Variants in SOHLH2 observed in about 807,000 individuals in gnomAD.
SOHLH2 encodes spermatogenesis- and oogenesis-specific basic helix-loop-helix-containing protein 2.
In SOHLH2, 22 loss-of-function variants were observed where a neutral mutation model predicts 50.4. The ratio of observed to expected loss-of-function variants is 0.44; its 90% CI spans 0.31 to 0.62. The LOEUF is 0.62. Ranked by LOEUF, SOHLH2 falls within the 20% of genes least tolerant of loss-of-function variation. The pLI, the probability that SOHLH2 is intolerant of heterozygous loss-of-function variation, is 0.08. For synonymous variants in SOHLH2, 185 were observed against 187.3 expected, an observed-to-expected ratio of 0.99 and a Z score of 0.10; for missense variants, 412 against 504.4, an observed-to-expected ratio of 0.82 and a Z score of 1.76.
intron 5 of SOHLH2, among the ~76,000 whole-genome samples, 159 bp from the exon 6 acceptor site, chr13:36,190,215 G>A (rs1417692271): frequency 2.0e-5 from 3 of 152,098 alleles, no homozygotes; most frequent in African/African-American, 4.8e-5. Flanking sequence ...TAGACATTTG[G>A]TGCAGAATGT....
At chr13:36,173,448 G>A (rs1264047731) in intron 9 of SOHLH2, among the ~76,000 whole-genome samples, 1 of 152,208 alleles carries the variant, frequency 6.6e-6, no homozygotes, top group Non-Finnish European at 1.5e-5. Context: ...AAAGTCACCA[G>A]TGTGCTTATC....
intron 1 of SOHLH2, among the ~76,000 whole-genome samples, chr13:36,208,442 C>T (rs1002480555): frequency 1.3e-5 from 2 of 152,130 alleles, no homozygotes; most frequent in East Asian, 3.9e-4. Flanking sequence ...CTTTGGCCGC[C>T]AAAATTTCAG....
chr13:36,210,446 T>C (rs1225650847), intron 1 of SOHLH2, among the ~76,000 whole-genome samples: 1 of 152,218 alleles, frequency 6.6e-6, no homozygotes, highest in Non-Finnish European at 1.5e-5. Flanking sequence ...GTGTATTTTT[T>C]TTTTTAACGT....
At chr13:36,175,217 T>C (rs1311202137) in intron 6 of SOHLH2, among the ~76,000 whole-genome samples, 2 of 152,216 alleles carry the variant, frequency 1.3e-5, no homozygotes, top group Admixed American at 1.3e-4. Flanking sequence ...CCTACGGAAA[T>C]GTGCAGACCA....
chr13:36,213,689 G>A (rs1869257589), intron 1 of SOHLH2, among the ~76,000 whole-genome samples: 1 of 152,068 alleles, frequency 6.6e-6, no homozygotes, highest in Non-Finnish European at 1.5e-5. Flanking sequence ...AGAGGCCAGC[G>A]GGCTTTTTGA....
At chr13:36,184,609 G>A (rs1048021334) in intron 6 of SOHLH2, among the ~76,000 whole-genome samples, 2 of 151,798 alleles carry the variant, frequency 1.3e-5, no homozygotes, top group East Asian at 1.9e-4. Context: ...ACAGGCGCCT[G>A]CCACCACACC....
intron 6 of SOHLH2, among the ~76,000 whole-genome samples, chr13:36,189,407 C>T (rs1272350282): frequency 6.6e-6 from 1 of 152,138 alleles, no homozygotes; most frequent in African/African-American, 2.4e-5. Context: ...GATGGCCAAC[C>T]ATATGGACAT....
intron 9 of SOHLH2, among the ~76,000 whole-genome samples, 190 bp from the exon 10 acceptor site, chr13:36,170,977 C>G (rs1312712692): frequency 2.0e-5 from 3 of 152,138 alleles, no homozygotes; most frequent in Admixed American, 2.0e-4. Context: ...AATACACACA[C>G]TATAAATTAG....
intron 1 of SOHLH2, among the ~76,000 whole-genome samples, chr13:36,208,263 C>T (rs1868901400): frequency 6.6e-6 from 1 of 152,122 alleles, no homozygotes; most frequent in Non-Finnish European, 1.5e-5. Context: ...TTTTCTATTT[C>T]CTTCCATCTA....
chr13:36,179,439 C>A (rs1019854272), intron 6 of SOHLH2, among the ~76,000 whole-genome samples: 1 of 152,130 alleles, frequency 6.6e-6, no homozygotes, highest in African/African-American at 2.4e-5. Flanking sequence ...GGCAGAGTCT[C>A]ACTCTATCAT....
At chr13:36,169,714 C>G (rs1323515695) in intron 10 of SOHLH2, among the ~76,000 whole-genome samples, 1 of 152,204 alleles carries the variant, frequency 6.6e-6, no homozygotes, top group African/African-American at 2.4e-5. Context: ...CCAAACAATG[C>G]AGGTATGACT....
In SOHLH2 at chr13:36,193,795, C is replaced by T; in HGVS notation, c.325+11G>A. 6.2e-7 allele frequency: 1 copy of T among 1,602,428 alleles called. No individual in the cohort carries two copies. Among genetic ancestry groups the T allele is most frequent in the South Asian group, 1.1e-5 (1 of 87,372 alleles). ...GAGAAAAAACAAATACTATATTTAG[C>T]AGGTACATACCTTTAAAATTTTCAG... On this transcript the variant is annotated intron_variant, in intron 3 of 10. Transcript: ENST00000379881.
chr13:36,180,453 T>C (rs957209438), intron 6 of SOHLH2, among the ~76,000 whole-genome samples: 1 of 152,212 alleles, frequency 6.6e-6, no homozygotes, highest in African/African-American at 2.4e-5. Context: ...AAAACTTTGA[T>C]ATATTGCATT....
intron 6 of SOHLH2, among the ~76,000 whole-genome samples, chr13:36,180,401 A>T (rs1038121142): frequency 6.6e-6 from 1 of 152,304 alleles, no homozygotes; most frequent in African/African-American, 2.4e-5. Flanking sequence ...ATAAGCATTT[A>T]AAGCCACAGT....
intron 1 of SOHLH2, 125 bp from the exon 2 acceptor site, chr13:36,202,218 G>C (rs1027200011): frequency 8.3e-7 from 1 of 1,209,228 alleles, no homozygotes; most frequent in Non-Finnish European, 1.1e-6. Flanking sequence ...TATCTAGTCT[G>C]ACTGGCTAGA....
chr13:36,170,234 G>A (rs1370942203), intron 10 of SOHLH2, among the ~76,000 whole-genome samples: 2 of 152,184 alleles, frequency 1.3e-5, no homozygotes, highest in African/African-American at 4.8e-5. Context: ...CTGAGTAGAA[G>A]CAGAGGGGTG....
Position 36,191,795 on chromosome 13 carries a change from C to A in SOHLH2, c.530G>T (p.Cys177Phe). The change falls in exon 5 of 11, where the codon TGC becomes TTC. Residue 177 changes from cysteine to phenylalanine, a missense_variant and splice_region_variant. Coordinates refer to ENST00000379881, the MANE Select transcript of SOHLH2 (RefSeq NM_017826.3). ...TTATGAAAAAGAACAAAAAACTAAC[C>A]AGGCAAATAGATCAGTAGGAAAATA... The part of the protein sequence containing the change: ...LGYFPTDLFA[C>F]SESLRNGNGL... 1 of 1,613,190 alleles carries A rather than the reference C, an allele frequency of 6.2e-7. No individual in the cohort carries two copies. The highest frequency in any genetic ancestry group is 2.2e-5 in the East Asian group (1 of 44,854).
In SOHLH2 at chr13:36,207,310, AT is replaced by A. The variant is rs201888298; in HGVS notation, c.49-5218del. Among the ~76,000 whole-genome samples the A allele has an allele frequency of 3.5e-3, 526 of 149,724 alleles. 3 individuals carry two copies. The highest frequency in any genetic ancestry group is 0.011 in the South Asian group (52 of 4,706). ...TATTTCAGGCTTCCTATTTACTGTA[AT>A]TTTTTTTTTCCATAGCTACTCTTAG... On this transcript the variant is annotated intron_variant, in intron 1 of 10. Transcript: ENST00000379881.
intron 9 of SOHLH2, among the ~76,000 whole-genome samples, chr13:36,172,222 A>G (rs1222092901): frequency 6.6e-6 from 1 of 152,176 alleles, no homozygotes; most frequent in Non-Finnish European, 1.5e-5. Flanking sequence ...AATGTTTCAG[A>G]GTTTCTGCAG....
Sources: gnomAD v4.1 joint callset for allele counts (sites outside exome capture counted in the v4.1 genomes callset) on GRCh38, gnomAD v4.1.1 for gene constraint, MANE v1.5 for transcripts, NCBI Gene and HGNC (gene_info 2026-07-23, HGNC 2026-07-21) for gene names.